The following TSHR variants were observed in gnomAD, a reference collection of about 807,000 sequenced individuals.
The protein encoded by TSHR is thyroid stimulating hormone receptor, also known as thyrotropin receptor.
Under a neutral mutation model 64.1 loss-of-function variants are expected in TSHR, and 51 were observed. The ratio of observed to expected loss-of-function variants is 0.80; its 90% CI spans 0.64 to 1.01. TSHR has a LOEUF of 1.01. TSHR is among the 50% of genes least tolerant of loss of function. The pLI is 0.00. For missense variants in TSHR, 877 were observed against 942.8 expected (o/e 0.93, Z 0.91); for synonymous variants, 361 against 361.9 (o/e 1.00, Z 0.03).
intron 8 of TSHR, among the ~76,000 whole-genome samples, chr14:81,123,604 T>C (rs751245150): frequency 1.2e-4 from 19 of 152,216 alleles, no homozygotes; most frequent in Non-Finnish European, 2.8e-4. Flanking sequence ...GAGAATCAGA[T>C]GCCATATATA....
intron 8 of TSHR, among the ~76,000 whole-genome samples, chr14:81,129,258 G>A (rs540786402): frequency 6.6e-6 from 1 of 151,956 alleles, no homozygotes; most frequent in African/African-American, 2.4e-5. Flanking sequence ...CAATTTTTTG[G>A]TTCTGCCAGG....
At chr14:81,090,987 C>G (rs777015145) in intron 4 of TSHR, 82 bp from the exon 5 acceptor site, 14 of 1,186,874 alleles carry the variant, frequency 1.2e-5, no homozygotes, top group Non-Finnish European at 1.7e-5. Context: ...ATGCTTTCAG[C>G]TATTACATTA....
At chr14:81,019,831 C>T (rs116992031) in intron 1 of TSHR, among the ~76,000 whole-genome samples, 1,808 of 152,164 alleles carry the variant, frequency 0.012, 21 homozygotes, top group African/African-American at 0.016. Context: ...AGTGTATGTG[C>T]GCCACATTTT....
At chr14:81,091,041 T>C in intron 4 of TSHR, 28 bp from the exon 5 acceptor site, 1 of 1,588,416 alleles carries the variant, frequency 6.3e-7, no homozygotes, top group Non-Finnish European at 8.6e-7. Flanking sequence ...ATTCTATGCT[T>C]TTTTTTCTCT....
At position 80,955,621 on chromosome 14, in the gene TSHR, G is replaced by A. The variant is rs201252762; in HGVS notation, c.-60G>A. 506 of 1,604,256 alleles carry A rather than the reference G, an allele frequency of 3.2e-4. 1 individual carries two copies. In the East Asian group the frequency reaches 3.4e-3, roughly 11 times the overall value. On this transcript the variant is annotated 5_prime_UTR_variant, in exon 1 of 10. Transcript: ENST00000298171. ...CCTTTGGCCTGGGGTAACCCGAGGT[G>A]CAGAGCTGAGAATGAGGCGATTTCG... is the stretch of plus-strand genomic sequence containing the variant.
At chr14:80,984,739 G>C (rs188619804) in intron 1 of TSHR, among the ~76,000 whole-genome samples, 2 of 152,310 alleles carry the variant, frequency 1.3e-5, no homozygotes, top group East Asian at 3.9e-4. Flanking sequence ...CTGGAGGTCA[G>C]CTGAAAAGTC....
At chr14:81,051,972 A>G (rs1885459373) in intron 1 of TSHR, 1 of 152,176 alleles carries the variant, frequency 6.6e-6, no homozygotes, top group African/African-American at 2.4e-5. Flanking sequence ...ATATTTGCAA[A>G]TATTTTCTCC....
intron 1 of TSHR, among the ~76,000 whole-genome samples, chr14:81,002,810 CT>C (rs56340312): frequency 0.026 from 1,154 of 43,796 alleles, 46 homozygotes; most frequent in African/African-American, 0.068. Context: ...TTTTTTTTAT[CT>C]TTTTTTTTTT....
intron 7 of TSHR, 49 bp from the exon 8 acceptor site, chr14:81,108,326 T>C: frequency 7.0e-7 from 1 of 1,422,040 alleles, no homozygotes. Context: ...TGTGATTTCT[T>C]AAAATCACCT....
At chr14:80,961,029 A>AGCT (rs1023197814) in intron 1 of TSHR, among the ~76,000 whole-genome samples, 1 of 152,354 alleles carries the variant, frequency 6.6e-6, no homozygotes, top group African/African-American at 2.4e-5. Context: ...GGCAAGCCAT[A>AGCT]GCTGCTGGAG....
At chr14:81,001,575 C>A in intron 1 of TSHR, 1 of 526,124 alleles carries the variant, frequency 1.9e-6, no homozygotes, top group South Asian at 1.4e-5. Context: ...TGTCCAGCCC[C>A]ACTGCTTGGC....
At chr14:81,087,717 T>C (rs569690942) in intron 3 of TSHR, 3 of 560,916 alleles carry the variant, frequency 5.3e-6, no homozygotes, top group Non-Finnish European at 9.6e-6. Flanking sequence ...TAAATTAAAG[T>C]GGACAGAAAC....
chr14:81,037,812 A>G (rs11159487), intron 1 of TSHR, among the ~76,000 whole-genome samples: 36,911 of 151,720 alleles, frequency 0.24, 4,578 homozygotes, highest in South Asian at 0.33. Flanking sequence ...ACCCAACACT[A>G]GAGCATATAT....
Position 81,143,499 on chromosome 14 carries a change from T to TG in TSHR, c.1441_1442insG (p.Tyr481Ter). Residue 481 changes from tyrosine (Y) to a stop codon, truncating the protein, a stop_gained and frameshift_variant, in exon 10 of 10, where the codon TAC (tyrosine) becomes TGAC (stop). Coordinates refer to ENST00000298171, the MANE Select transcript of TSHR (RefSeq NM_000369.5). LOFTEE classifies it high-confidence loss of function. ...ASVDLYTHSEYYNHAIDWQTG... is the reference protein window; with the variant it reads ...ASVDLYTHSE ...TGTAGACCTCTACACTCACTCTGAG[T>TG]ACTACAACCATGCCATCGACTGGCA... is the stretch of plus-strand genomic sequence containing the variant. 6.2e-7 allele frequency: 1 copy of TG among 1,613,980 alleles called. No individual in the cohort carries two copies. Among genetic ancestry groups the TG allele is most frequent in the Non-Finnish European group, 8.5e-7 (1 of 1,180,032 alleles).
chr14:81,103,737 A>G lies in TSHR; in HGVS notation c.615-4638A>G, dbSNP rs1338833487. ...TGGTCACAAGTTAAGTCACACATTCATTGTTTGGAATTTCTTTTCCATCCT... is the reference window on the plus strand; with the variant it reads ...TGGTCACAAGTTAAGTCACACATTCGTTGTTTGGAATTTCTTTTCCATCCT... On this transcript the variant is annotated intron_variant, in intron 7 of 9. Transcript: ENST00000298171. This position sits in a 1 kb window ranked among gnomAD's most constrained non-coding sequence, Gnocchi z 4.1. 1 of 985,370 alleles carries G rather than the reference A, an allele frequency of 1.0e-6. No homozygotes were observed. The highest frequency in any genetic ancestry group is 1.7e-5 in the African/African-American group (1 of 57,260). 61.0% of individuals were successfully genotyped at this position (985,370 alleles called of 1,614,324 possible). A position where few individuals can be genotyped will look rare whatever the true frequency, so the allele number is the denominator to read the frequency against.
chr14:81,091,131 T>A lies in TSHR; in HGVS notation c.455T>A (p.Ile152Lys). The A allele has an allele frequency of 1.2e-6, 2 of 1,612,078 alleles. No homozygotes were observed. The highest frequency in any genetic ancestry group is 1.7e-6 in the Non-Finnish European group (2 of 1,179,624). ...CTGACCAAAGTTTATTCCACTGATA[T>A]ATTCTTTATACTGTAAGTATGCACA... The part of the protein sequence containing the change: ...PDLTKVYSTD[I>K]FFILEITDNP... Residue 152 changes from isoleucine to lysine, a missense_variant, in exon 5 of 10, where the codon ATA (isoleucine) becomes AAA (lysine). Ile to Lys is a moderately radical substitution (Grantham distance 102). Transcript: ENST00000298171.
intron 4 of TSHR, 30 bp from the exon 5 acceptor site, chr14:81,091,039 C>CT (rs749647604): frequency 8.4e-5 from 132 of 1,573,112 alleles, no homozygotes; most frequent in Middle Eastern, 1.7e-4. Context: ...AAATTCTATG[C>CT]TTTTTTTTCT....
intron 4 of TSHR, among the ~76,000 whole-genome samples, chr14:81,090,679 T>C (rs1888657790): frequency 6.6e-6 from 1 of 152,184 alleles, no homozygotes; most frequent in Non-Finnish European, 1.5e-5. Flanking sequence ...TCATCATATC[T>C]TCCTGTCCCA....
At chr14:81,018,089 C>T (rs563765458) in intron 1 of TSHR, among the ~76,000 whole-genome samples, 1 of 152,192 alleles carries the variant, frequency 6.6e-6, no homozygotes, top group South Asian at 2.1e-4. Flanking sequence ...CCTCGGCATC[C>T]CAAAGTGCAG....
Sources: gnomAD v4.1 joint callset for allele counts (sites outside exome capture counted in the v4.1 genomes callset) on GRCh38, gnomAD v4.1.1 for gene constraint, Gnocchi (gnomAD v3.1) non-coding constraint, MANE v1.5 for transcripts, NCBI Gene and HGNC (gene_info 2026-07-23, HGNC 2026-07-21) for gene names.